PEPD: variants seen among roughly 807,000 people sequenced by gnomAD.
PEPD encodes the protein xaa-Pro dipeptidase.
A neutral mutation model predicts 60.7 loss-of-function variants in PEPD; 53 were observed. That is an observed-to-expected ratio of 0.87 (90% CI 0.70 to 1.10). The LOEUF (loss-of-function observed/expected upper bound fraction) is 1.10, where lower values mean the gene tolerates loss of function less well. Among genes scored for constraint, PEPD ranks in the 50% least tolerant of loss-of-function variants. The pLI is 0.00. For missense variants in PEPD, 711 were observed against 711.9 expected (o/e 1.00, Z 0.01); for synonymous variants, 267 against 284.1 (o/e 0.94, Z 0.60).
chr19:33,449,451 G>A (rs1969655373), intron 9 of PEPD, among the ~76,000 whole-genome samples: 1 of 152,176 alleles, frequency 6.6e-6, no homozygotes, highest in African/African-American at 2.4e-5. Context: ...GATCCATGAG[G>A]AGAGCTCACC....
At chr19:33,465,090 A>G (rs2145275560) in intron 7 of PEPD, among the ~76,000 whole-genome samples, 1 of 152,296 alleles carries the variant, frequency 6.6e-6, no homozygotes, top group Middle Eastern at 3.4e-3. Flanking sequence ...ATAGGTTTGC[A>G]GTGAGAACGG....
Position 33,411,740 on chromosome 19 carries a change from G to A in PEPD, c.750C>T (p.Asn250=). Residue 250 remains asparagine, a synonymous_variant, in exon 11 of 15, where the codon AAC becomes AAT. Coordinates refer to ENST00000244137, the MANE Select transcript of PEPD (RefSeq NM_000285.4). ...SYTCICGSGE[N]SAVLHYGHAG... Reference sequence around the variant, plus strand: ...CGTGTCCGTAGTGTAGCACGGCTGAGTTCTCACCACTGCAAAGAGCCGGGG... The same window carrying A: ...CGTGTCCGTAGTGTAGCACGGCTGAATTCTCACCACTGCAAAGAGCCGGGG... The A allele has an allele frequency of 3.7e-6, 6 of 1,605,456 alleles. No individual in the cohort carries two copies. The highest frequency in any genetic ancestry group is 5.1e-6 in the Non-Finnish European group (6 of 1,172,646).
At chr19:33,465,033 C>T (rs1303631994) in intron 7 of PEPD, among the ~76,000 whole-genome samples, 1 of 152,160 alleles carries the variant, frequency 6.6e-6, no homozygotes, top group Admixed American at 6.5e-5. Context: ...TACTCTGTGC[C>T]TCGGTTTCCC....
At chr19:33,435,554 C>T (rs369216383) in intron 9 of PEPD, among the ~76,000 whole-genome samples, 11 of 152,246 alleles carry the variant, frequency 7.2e-5, no homozygotes, top group Non-Finnish European at 4.4e-5. Flanking sequence ...ACCAACCCCC[C>T]TCGTTCGGTC....
chr19:33,418,129 A>C (rs988007893), intron 9 of PEPD, among the ~76,000 whole-genome samples: 7 of 152,216 alleles, frequency 4.6e-5, no homozygotes, highest in African/African-American at 1.7e-4. Flanking sequence ...AGAGAGCCAC[A>C]GAGAGTGAGA....
chr19:33,434,767 G>C (rs143723699), intron 9 of PEPD, among the ~76,000 whole-genome samples: 2 of 152,286 alleles, frequency 1.3e-5, no homozygotes, highest in Non-Finnish European at 2.9e-5. Context: ...GGTGGTCACT[G>C]GGCCTTGGGA....
At chr19:33,394,627 C>T (rs921269153) in intron 12 of PEPD, among the ~76,000 whole-genome samples, 1 of 152,236 alleles carries the variant, frequency 6.6e-6, no homozygotes. Flanking sequence ...ACTGTCCTTG[C>T]ACTAGGCTGG....
At chr19:33,424,047 A>G (rs1969091692) in intron 9 of PEPD, among the ~76,000 whole-genome samples, 1 of 152,226 alleles carries the variant, frequency 6.6e-6, no homozygotes, top group Admixed American at 6.5e-5. Context: ...CATCTTGTTG[A>G]AAGATAAATC....
At chr19:33,494,006 T>C (rs569354370) in intron 4 of PEPD, among the ~76,000 whole-genome samples, 1 of 152,368 alleles carries the variant, frequency 6.6e-6, no homozygotes, top group Admixed American at 6.5e-5. Context: ...GCCTCATCAA[T>C]GTGCACTCAG....
intron 3 of PEPD, among the ~76,000 whole-genome samples, chr19:33,504,208 A>C (rs1292273272): frequency 6.6e-6 from 1 of 152,100 alleles, no homozygotes; most frequent in African/African-American, 2.4e-5. Flanking sequence ...TGCGTGCCAG[A>C]CTCCCACGTC....
intron 6 of PEPD, among the ~76,000 whole-genome samples, chr19:33,485,491 TA>T (rs908651690): frequency 0.094 from 10,405 of 110,852 alleles, 465 homozygotes; most frequent in Non-Finnish European, 0.13. Flanking sequence ...AGACTCTGTC[TA>T]AAAAAAAAAA....
intron 3 of PEPD, among the ~76,000 whole-genome samples, chr19:33,510,386 G>A (rs1179973128): frequency 1.3e-5 from 2 of 152,206 alleles, no homozygotes; most frequent in Non-Finnish European, 2.9e-5. Flanking sequence ...CAAAAGAGGA[G>A]GTCCCCAAGT....
chr19:33,397,723 G>A (rs1406779570), intron 12 of PEPD, among the ~76,000 whole-genome samples: 3 of 152,156 alleles, frequency 2.0e-5, no homozygotes, highest in Non-Finnish European at 2.9e-5. Flanking sequence ...GGGAGGACCT[G>A]CCTCCCATGG....
intron 9 of PEPD, among the ~76,000 whole-genome samples, chr19:33,420,987 C>A (rs1219638496): frequency 1.3e-5 from 2 of 152,202 alleles, no homozygotes; most frequent in Non-Finnish European, 2.9e-5. Flanking sequence ...GCTGCTTCCG[C>A]TGCCACAATG....
At chr19:33,464,115 G>A (rs1600137243) in intron 7 of PEPD, 53 bp from the exon 8 acceptor site, 2 of 1,307,940 alleles carry the variant, frequency 1.5e-6, no homozygotes, top group East Asian at 4.6e-5. Flanking sequence ...GGAGGCACTG[G>A]CTGGACCCCT....
At chr19:33,453,791 G>C (rs1212215171) in intron 9 of PEPD, among the ~76,000 whole-genome samples, 1 of 152,112 alleles carries the variant, frequency 6.6e-6, no homozygotes, top group Admixed American at 6.5e-5. Context: ...TTTTTTTCCA[G>C]ATGAGGACAC....
rs1273519283 is a variant in PEPD, at chr19:33,413,516, C to G, written c.740+59G>C. The stretch of plus-strand genomic sequence containing the variant: ...GGGGGATGGTGGAGCCCCCCACTCA[C>G]TAACTGCCCTACCTCCTCCCACTGG... On this transcript the variant is annotated intron_variant, in intron 10 of 14. Transcript: ENST00000244137. 3.1e-6 allele frequency: 3 copies of G among 956,236 alleles called. No homozygotes were observed. The African/African-American group carries it at 4.9e-5, about 15-fold the overall frequency. The allele number at this position is 956,236 out of a possible 1,614,324, so 59.2% of individuals were successfully genotyped here.
chr19:33,387,152 A>G lies in PEPD; in HGVS notation c.*192T>C. ...AGGTATAAAACAGATTAAAGGTGGG[A>G]GCCTGCAAAAGGGTAATTAAAAAAG... is the stretch of plus-strand genomic sequence containing the variant. On this transcript the variant is annotated 3_prime_UTR_variant, in exon 15 of 15. Coordinates refer to ENST00000244137, the MANE Select transcript of PEPD (RefSeq NM_000285.4). 1.6e-6 allele frequency: 1 copy of G among 616,878 alleles called. No homozygotes were observed. Among genetic ancestry groups the G allele is most frequent in the Non-Finnish European group, 2.9e-6 (1 of 350,740 alleles). 38.2% of individuals were successfully genotyped at this position (616,878 alleles called of 1,614,324 possible).
chr19:33,452,121 TA>T (rs1330050929), intron 9 of PEPD, among the ~76,000 whole-genome samples: 2 of 152,050 alleles, frequency 1.3e-5, no homozygotes, highest in African/African-American at 4.8e-5. Flanking sequence ...ACTTCAAAAT[TA>T]AAAACCAAAA....
Sources: allele counts gnomAD v4.1 joint callset (sites outside exome capture counted in the v4.1 genomes callset), GRCh38; gene constraint gnomAD v4.1.1; transcripts MANE v1.5; gene names NCBI Gene and HGNC (gene_info 2026-07-23, HGNC 2026-07-21).